Variants in LYSMD2 observed in about 807,000 individuals in gnomAD.
The protein encoded by LYSMD2 is LysM domain containing 2.
A neutral mutation model predicts 17.7 loss-of-function variants in LYSMD2; 6 were observed. That is an observed-to-expected ratio of 0.34 (90% CI 0.19 to 0.67). The LOEUF is 0.67. Among genes scored for constraint, LYSMD2 ranks in the 30% least tolerant of loss-of-function variants. The probability of loss-of-function intolerance (pLI) is 0.69; values close to 1 mark genes in which losing one functional copy is unlikely to be tolerated. For synonymous variants in LYSMD2, 102 were observed against 129.8 expected, an observed-to-expected ratio of 0.79 and a Z score of 1.45; for missense variants, 237 against 286.7, an observed-to-expected ratio of 0.83 and a Z score of 1.25.
In LYSMD2 at chr15:51,737,021, C is replaced by T. The variant is rs921661009; in HGVS notation, c.273+329G>A. ...AAGGTGGTTCACGGGGATGCCAAAG[C>T]CCTAGTCCTCTTCGGCCTCCCTCAC... On this transcript the variant is annotated intron_variant, in intron 1 of 2. Coordinates refer to ENST00000267838, the MANE Select transcript of LYSMD2 (RefSeq NM_153374.3). This position sits in a 1 kb window ranked among gnomAD's most constrained non-coding sequence, Gnocchi z 4.2. Among the ~76,000 whole-genome samples, 1 of 152,200 alleles carries T rather than the reference C, an allele frequency of 6.6e-6. No homozygotes were observed. The highest frequency in any genetic ancestry group is 6.5e-5 in the Admixed American group (1 of 15,288).
intron 1 of LYSMD2, among the ~76,000 whole-genome samples, chr15:51,725,449 CTTGTT>C (rs1396229748): frequency 6.6e-6 from 1 of 152,124 alleles, no homozygotes; most frequent in Non-Finnish European, 1.5e-5. Context: ...AAATTCCATT[CTTGTT>C]TTAACATTTC....
Sources: allele counts gnomAD v4.1 joint callset (sites outside exome capture counted in the v4.1 genomes callset), GRCh38; gene constraint gnomAD v4.1.1; non-coding constraint Gnocchi (gnomAD v3.1); transcripts MANE v1.5; gene names NCBI Gene and HGNC (gene_info 2026-07-23, HGNC 2026-07-21).